Variants in AOPEP observed in about 807,000 individuals in gnomAD.
AOPEP encodes aminopeptidase O.
AOPEP carries 77 observed loss-of-function variants against 98.1 expected under a neutral mutation model. The ratio of observed to expected loss-of-function variants is 0.78; its 90% CI spans 0.65 to 0.95. The LOEUF (loss-of-function observed/expected upper bound fraction) is 0.95, where lower values mean the gene tolerates loss of function less well. Among genes scored for constraint, AOPEP ranks in the 40% least tolerant of loss-of-function variants. The pLI is 0.00. For missense variants in AOPEP, 1,024 were observed against 1,024.7 expected, an observed-to-expected ratio of 1.00 and a Z score of 0.01; for synonymous variants, 346 against 365.3, an observed-to-expected ratio of 0.95 and a Z score of 0.60.
chr9:94,982,818 CT>C (rs1464723996), intron 11 of AOPEP, among the ~76,000 whole-genome samples: 1 of 152,096 alleles, frequency 6.6e-6, no homozygotes, highest in East Asian at 1.9e-4. Flanking sequence ...AATTTGACAG[CT>C]CTATAAATAG....
intron 13 of AOPEP, among the ~76,000 whole-genome samples, chr9:95,021,132 C>G (rs1233652022): frequency 2.0e-5 from 3 of 152,094 alleles, no homozygotes; most frequent in Non-Finnish European, 4.4e-5. Flanking sequence ...TTTCTGCAGT[C>G]TGTCTAACTT....
chr9:94,975,621 T>C (rs2059795169), intron 10 of AOPEP, among the ~76,000 whole-genome samples: 1 of 152,240 alleles, frequency 6.6e-6, no homozygotes, highest in South Asian at 2.1e-4. Context: ...GCTGGACTGC[T>C]TCAGTGCTGC....
the AOPEP span, among the ~76,000 whole-genome samples, chr9:95,104,513 T>G: frequency 6.6e-6 from 1 of 152,146 alleles, no homozygotes. Context: ...CAGGAGGGAC[T>G]GCCCCACACA....
At chr9:94,807,549 A>G (rs1455192362) in intron 5 of AOPEP, among the ~76,000 whole-genome samples, 6 of 152,066 alleles carry the variant, frequency 3.9e-5, no homozygotes, top group Non-Finnish European at 1.5e-5. Context: ...AGTCAGCACC[A>G]CCTTGCCATT....
intron 14 of AOPEP, among the ~76,000 whole-genome samples, chr9:95,079,504 T>C (rs1025616030): frequency 2.0e-5 from 3 of 152,236 alleles, no homozygotes; most frequent in Non-Finnish European, 4.4e-5. Flanking sequence ...GTTGACGTGG[T>C]ATAACTGAGA....
At chr9:95,142,893 C>A in the AOPEP span, among the ~76,000 whole-genome samples, 2 of 152,140 alleles carry the variant, frequency 1.3e-5, no homozygotes, top group East Asian at 3.9e-4. Flanking sequence ...AACCAATGCT[C>A]CCAACTCTCT....
At chr9:94,785,095 C>T (rs934773318) in intron 3 of AOPEP, among the ~76,000 whole-genome samples, 8 of 151,614 alleles carry the variant, frequency 5.3e-5, no homozygotes, top group African/African-American at 1.7e-4. Context: ...CCACTATGCC[C>T]GGCTAATTTT....
intron 13 of AOPEP, among the ~76,000 whole-genome samples, chr9:95,059,406 A>G (rs1416853866): frequency 6.6e-6 from 1 of 152,126 alleles, no homozygotes; most frequent in East Asian, 1.9e-4. Context: ...CTTAGAACTT[A>G]GAAGAGTGAG....
intron 13 of AOPEP, among the ~76,000 whole-genome samples, chr9:95,022,498 T>C (rs2063530059): frequency 1.3e-5 from 2 of 152,142 alleles, no homozygotes; most frequent in African/African-American, 4.8e-5. Context: ...CCACCATGCC[T>C]GGCTAATTTT....
intron 14 of AOPEP, among the ~76,000 whole-genome samples, chr9:95,074,176 C>A (rs1347405821): frequency 6.6e-6 from 1 of 152,136 alleles, no homozygotes; most frequent in Non-Finnish European, 1.5e-5. Flanking sequence ...TCTGCTTGGG[C>A]CTCCTAGGTG....
At chr9:95,052,556 G>A (rs2066471712) in intron 13 of AOPEP, among the ~76,000 whole-genome samples, 1 of 152,132 alleles carries the variant, frequency 6.6e-6, no homozygotes, top group Non-Finnish European at 1.5e-5. Flanking sequence ...TTTGTGCATA[G>A]TATAGATTAC....
At chr9:95,081,088 C>T (rs1054430807) in intron 15 of AOPEP, among the ~76,000 whole-genome samples, 1 of 152,148 alleles carries the variant, frequency 6.6e-6, no homozygotes, top group African/African-American at 2.4e-5. Flanking sequence ...TTGGTGACGC[C>T]GTGGGGTAGA....
At chr9:94,796,740 GC>G (rs1236290283) in intron 4 of AOPEP, among the ~76,000 whole-genome samples, 3 of 152,212 alleles carry the variant, frequency 2.0e-5, no homozygotes, top group African/African-American at 7.2e-5. Flanking sequence ...ACATGCTCCA[GC>G]CACTCTGGGT....
intron 5 of AOPEP, among the ~76,000 whole-genome samples, chr9:94,876,098 G>A (rs1564303250): frequency 6.6e-6 from 1 of 152,208 alleles, no homozygotes; most frequent in Admixed American, 6.5e-5. Context: ...CAGTTCAACA[G>A]TATTTGAGTC....
chr9:94,895,089 T>G (rs955436502), intron 5 of AOPEP, among the ~76,000 whole-genome samples: 1 of 151,916 alleles, frequency 6.6e-6, no homozygotes, highest in Non-Finnish European at 1.5e-5. Context: ...AAAGGCAGCA[T>G]GAGGCTGGAT....
At chr9:94,916,554 T>C (rs2052826180) in intron 5 of AOPEP, among the ~76,000 whole-genome samples, 1 of 151,882 alleles carries the variant, frequency 6.6e-6, no homozygotes, top group East Asian at 1.9e-4. Context: ...AATACAAAAA[T>C]TAACTGGGCA....
At chr9:95,140,010 C>G in the AOPEP span, among the ~76,000 whole-genome samples, 1 of 151,774 alleles carries the variant, frequency 6.6e-6, no homozygotes, top group Admixed American at 6.6e-5. Context: ...TGGTTCCATC[C>G]ATCCTGCCTG....
chr9:95,070,460 A>C (rs2068378817), intron 14 of AOPEP, among the ~76,000 whole-genome samples: 1 of 152,242 alleles, frequency 6.6e-6, no homozygotes, highest in South Asian at 2.1e-4. Context: ...GACTAAAAAT[A>C]AAGGGGAGTG....
chr9:94,904,702 G>A (rs530650977), intron 5 of AOPEP: 11 of 152,196 alleles, frequency 7.2e-5, no homozygotes, highest in African/African-American at 2.6e-4. Flanking sequence ...CATATATTTG[G>A]GTTAAACCAA....
Sources: gnomAD v4.1 joint callset for allele counts (sites outside exome capture counted in the v4.1 genomes callset) on GRCh38, gnomAD v4.1.1 for gene constraint, MANE v1.5 for transcripts, NCBI Gene and HGNC (gene_info 2026-07-23, HGNC 2026-07-21) for gene names.